Variants in TRPM7 observed in about 807,000 individuals in gnomAD.
TRPM7 encodes LTRPC ion channel family member 7.
Under a neutral mutation model 229.7 loss-of-function variants are expected in TRPM7, and 134 were observed. That is an observed-to-expected ratio of 0.58 (90% CI 0.51 to 0.67). The LOEUF (loss-of-function observed/expected upper bound fraction) is 0.67, where lower values mean the gene tolerates loss of function less well. Among genes scored for constraint, TRPM7 ranks in the 30% least tolerant of loss-of-function variants. The pLI is 0.00. For synonymous variants in TRPM7, 699 were observed against 715.2 expected (o/e 0.98, Z 0.36); for missense variants, 1,901 against 2,210.0 (o/e 0.86, Z 2.80).
At position 50,593,754 on chromosome 15, in the gene TRPM7, G is replaced by A; in HGVS notation, c.3476-5C>T. On this transcript the variant is annotated splice_polypyrimidine_tract_variant and splice_region_variant and intron_variant, in intron 24 of 38. Coordinates refer to ENST00000646667, the MANE Select transcript of TRPM7 (RefSeq NM_017672.6). ...CTTCTTCTGTTAAGAAAAGTTCTAT[G>A]GGAGGAAAAGGAGAAGAAAATCAAG... is the stretch of plus-strand genomic sequence containing the variant. 6.3e-7 allele frequency: 1 copy of A among 1,596,850 alleles called. No individual in the cohort carries two copies. Among genetic ancestry groups the A allele is most frequent in the South Asian group, 1.2e-5 (1 of 86,392 alleles).
chr15:50,643,499 T>C lies in TRPM7; in HGVS notation c.376A>G (p.Lys126Glu), dbSNP rs1179989783. Residue 126 changes from lysine (K) to glutamate (E), a missense_variant, in exon 5 of 39, where the codon AAA becomes GAA. Transcript: ENST00000646667. ...KPEVILQLLL[K>E]EWQMELPKLV... ...TTGGGTAACTCCATTTGCCATTCTTTAAGCAGAAGTTGCAGAATGACTTCA... is the reference window on the plus strand; with the variant it reads ...TTGGGTAACTCCATTTGCCATTCTTCAAGCAGAAGTTGCAGAATGACTTCA... The C allele has an allele frequency of 4.3e-6, 7 of 1,614,056 alleles. No homozygotes were observed. Among genetic ancestry groups the C allele is most frequent in the Non-Finnish European group, 5.9e-6 (7 of 1,180,036 alleles).
intron 9 of TRPM7, among the ~76,000 whole-genome samples, chr15:50,631,828 T>G (rs2060744595): frequency 6.6e-6 from 1 of 152,166 alleles, no homozygotes; most frequent in African/African-American, 2.4e-5. Context: ...GGCTATAGAT[T>G]CCTTATCAGG....
At chr15:50,570,553 T>C (rs1175426633) in intron 36 of TRPM7, among the ~76,000 whole-genome samples, 1 of 151,952 alleles carries the variant, frequency 6.6e-6, no homozygotes, top group Non-Finnish European at 1.5e-5. Flanking sequence ...TTAAAAGTGT[T>C]TGGGATTGGC....
intron 1 of TRPM7, among the ~76,000 whole-genome samples, chr15:50,666,887 AAAT>A (rs1028119655): frequency 1.3e-5 from 2 of 152,138 alleles, no homozygotes; most frequent in African/African-American, 4.8e-5. Flanking sequence ...ATAAAGAAGA[AAAT>A]AACAGGCTGT....
At chr15:50,598,493 G>A (rs977071974) in intron 22 of TRPM7, among the ~76,000 whole-genome samples, 6 of 152,186 alleles carry the variant, frequency 3.9e-5, no homozygotes, top group Admixed American at 6.5e-5. Context: ...TAAGCTTTCA[G>A]TATTCACACA....
Position 50,585,050 on chromosome 15 carries a change from ATTTTTTTT to A in TRPM7, c.4486+1334_4486+1341del, listed in dbSNP as rs755433337. Among the ~76,000 whole-genome samples, 562 of 95,056 alleles carry A rather than the reference ATTTTTTTT, an allele frequency of 5.9e-3. 6 individuals carry two copies. Among genetic ancestry groups the A allele is most frequent in the African/African-American group, 0.021 (528 of 24,606 alleles). The allele number at this position is 95,056 out of a possible 152,430, so 62.4% of individuals were successfully genotyped here. A position where few individuals can be genotyped will look rare whatever the true frequency, so the allele number is the denominator to read the frequency against. On this transcript the variant is annotated intron_variant, in intron 28 of 38. Coordinates refer to ENST00000646667, the MANE Select transcript of TRPM7 (RefSeq NM_017672.6). ...GCCACCACATCTAGCTAATTTTTGT[ATTTTTTTT>A]TTTTTTTTTTTTTTGAGACGGAGTC...
chr15:50,657,865 TTC>T (rs763493699), intron 2 of TRPM7, 46 bp from the exon 3 acceptor site: 37 of 1,532,782 alleles, frequency 2.4e-5, no homozygotes, highest in Non-Finnish European at 3.2e-5. Flanking sequence ...GTGAAAAACT[TTC>T]TGATTTTAAA....
At chr15:50,573,458 T>A (rs1421193752) in intron 36 of TRPM7, among the ~76,000 whole-genome samples, 1 of 152,246 alleles carries the variant, frequency 6.6e-6, no homozygotes, top group Non-Finnish European at 1.5e-5. Flanking sequence ...CCAGTCAAGC[T>A]GTTCAATGTC....
intron 4 of TRPM7, among the ~76,000 whole-genome samples, chr15:50,646,982 C>T (rs1223745834): frequency 6.6e-6 from 1 of 152,170 alleles, no homozygotes; most frequent in Admixed American, 6.5e-5. Flanking sequence ...ATATAGTAGG[C>T]TATACCATCT....
intron 1 of TRPM7, among the ~76,000 whole-genome samples, chr15:50,667,870 T>C (rs1300385675): frequency 2.6e-5 from 4 of 152,212 alleles, no homozygotes; most frequent in Admixed American, 2.0e-4. Flanking sequence ...TTGCCAAATA[T>C]GAAATGGTGT....
At chr15:50,615,118 G>C (rs2060184193) in intron 13 of TRPM7, among the ~76,000 whole-genome samples, 1 of 144,030 alleles carries the variant, frequency 6.9e-6, no homozygotes, top group African/African-American at 2.6e-5. Context: ...AGCCGAGATA[G>C]TGCCACCGCA....
chr15:50,665,796 A>ACCAG (rs1445269392), intron 1 of TRPM7, among the ~76,000 whole-genome samples: 1 of 152,132 alleles, frequency 6.6e-6, no homozygotes, highest in African/African-American at 2.4e-5. Flanking sequence ...GGAGCTCAAG[A>ACCAG]CCAGCCTGAC....
At position 50,583,121 on chromosome 15, in the gene TRPM7, G is replaced by C; in HGVS notation, c.4525C>G (p.His1509Asp). 1 of 1,608,280 alleles carries C rather than the reference G, an allele frequency of 6.2e-7. No individual in the cohort carries two copies. Among genetic ancestry groups the C allele is most frequent in the East Asian group, 2.2e-5 (1 of 44,614 alleles). ...ISRRPSTEDT[H>D]EVDSKAALIP... ...AAAGCTGCTTTGGAATCTACTTCAT[G>C]AGTGTCTTCGGTAGATGGCCTTCTA... Residue 1509 changes from histidine (H) to aspartate (D), a missense_variant, in exon 29 of 39, where the codon CAT becomes GAT. This residue lies in a region of TRPM7 where 533 missense variants were observed against 497.1 expected (regional missense o/e 1.07). Coordinates refer to ENST00000646667, the MANE Select transcript of TRPM7 (RefSeq NM_017672.6).
intron 3 of TRPM7, among the ~76,000 whole-genome samples, chr15:50,655,193 T>C (rs1361847805): frequency 6.6e-6 from 1 of 150,984 alleles, no homozygotes; most frequent in Non-Finnish European, 1.5e-5. Context: ...CCCAGCACTT[T>C]GGGTGGCCAA....
At chr15:50,638,126 G>A (rs1353973276) in intron 6 of TRPM7, among the ~76,000 whole-genome samples, 4 of 151,764 alleles carry the variant, frequency 2.6e-5, no homozygotes, top group African/African-American at 7.3e-5. Context: ...TTGGGAGGCC[G>A]AGGCGGGCGG....
chr15:50,568,412 G>A (rs2053716196), intron 38 of TRPM7, among the ~76,000 whole-genome samples: 1 of 151,656 alleles, frequency 6.6e-6, no homozygotes, highest in African/African-American at 2.4e-5. Context: ...CTAAAAAAGA[G>A]TTAAGTAAGG....
At chr15:50,626,927 A>G (rs1414312032) in intron 11 of TRPM7, among the ~76,000 whole-genome samples, 2 of 151,570 alleles carry the variant, frequency 1.3e-5, no homozygotes, top group African/African-American at 4.9e-5. Flanking sequence ...ACATGTAGAT[A>G]TGCATGAATG....
intron 8 of TRPM7, 126 bp downstream of exon 8, chr15:50,634,256 G>A (rs1412183934): frequency 4.6e-6 from 3 of 653,614 alleles, no homozygotes; most frequent in African/African-American, 3.9e-5. Flanking sequence ...GGGAGGTGGA[G>A]GTTGTAGTAA....
intron 2 of TRPM7, among the ~76,000 whole-genome samples, chr15:50,661,775 AAAGG>A (rs1336376821): frequency 2.6e-5 from 4 of 152,238 alleles, no homozygotes; most frequent in Non-Finnish European, 5.9e-5. Flanking sequence ...AGGAGACGGA[AAAGG>A]AAGGAAGATT....
Sources: allele counts gnomAD v4.1 joint callset (sites outside exome capture counted in the v4.1 genomes callset), GRCh38; gene constraint gnomAD v4.1.1; regional missense constraint gnomAD v4.1.1; transcripts MANE v1.5; gene names NCBI Gene and HGNC (gene_info 2026-07-23, HGNC 2026-07-21).